SMAP1: variants seen among roughly 807,000 people sequenced by gnomAD.
SMAP1 encodes small ArfGAP 1.
SMAP1 carries 24 observed loss-of-function variants against 58.5 expected under a neutral mutation model. The observed-to-expected ratio is 0.41, with a 90% CI of 0.30 to 0.58. SMAP1 has a LOEUF of 0.58. Ranked by LOEUF, SMAP1 falls within the 20% of genes least tolerant of loss-of-function variation. SMAP1 has a pLI of 0.29. For synonymous variants in SMAP1, 216 were observed against 196.6 expected (o/e 1.10, Z -0.82); for missense variants, 563 against 566.3 (o/e 0.99, Z 0.06).
rs550840386 is a variant in SMAP1 at position 70,803,895 on chromosome 6, A to G, written c.576+5158A>G. ...TTCTGTTCTTTTACGTTTGCTGAGGAGTGTTTTACTTCCAATTATGTGTCA... is the reference window on the plus strand; with the variant it reads ...TTCTGTTCTTTTACGTTTGCTGAGGGGTGTTTTACTTCCAATTATGTGTCA... On this transcript the variant is annotated intron_variant, in intron 6 of 10. Transcript: ENST00000370455. Among the ~76,000 whole-genome samples the G allele has an allele frequency of 3.9e-5, 6 of 152,256 alleles. No homozygotes were observed. In the South Asian group the frequency reaches 1.0e-3, roughly 26 times the overall value.
chr6:70,711,935 G>A (rs1254099465), intron 1 of SMAP1, among the ~76,000 whole-genome samples: 2 of 152,140 alleles, frequency 1.3e-5, no homozygotes, highest in African/African-American at 4.8e-5. Flanking sequence ...TCTTTTGTAG[G>A]ATTGCTCTTG....
rs534694479 is a variant in SMAP1 at position 70,784,954 on chromosome 6, T to C, written c.415-6735T>C. Among the ~76,000 whole-genome samples, 21 of 152,304 alleles carry C rather than the reference T, an allele frequency of 1.4e-4. 1 individual carries two copies. Among genetic ancestry groups the C allele is most frequent in the Admixed American group, 1.1e-3 (17 of 15,308 alleles). ...AACTCAGCTCTGCACCAAGTGGACCTAATAGACATCTACAGACCTCTCCAC... is the reference window on the plus strand; with the variant it reads ...AACTCAGCTCTGCACCAAGTGGACCCAATAGACATCTACAGACCTCTCCAC... On this transcript the variant is annotated intron_variant, in intron 4 of 10. Coordinates refer to ENST00000370455, the MANE Select transcript of SMAP1 (RefSeq NM_001044305.3).
chr6:70,802,652 T>C (rs1768914842), intron 6 of SMAP1, among the ~76,000 whole-genome samples: 1 of 152,224 alleles, frequency 6.6e-6, no homozygotes, highest in African/African-American at 2.4e-5. Context: ...TTGTCATAAA[T>C]AGCTCTTATT....
chr6:70,789,740 A>AAG (rs1768262034), intron 4 of SMAP1, among the ~76,000 whole-genome samples: 1 of 150,656 alleles, frequency 6.6e-6, no homozygotes, highest in Admixed American at 6.6e-5. Context: ...AAAAAAAAAA[A>AAG]AAAAAAAGTG....
At chr6:70,841,403 G>C (rs1488359317) in intron 7 of SMAP1, among the ~76,000 whole-genome samples, 1 of 152,090 alleles carries the variant, frequency 6.6e-6, no homozygotes, top group African/African-American at 2.4e-5. Flanking sequence ...AGGCTGTCTG[G>C]GGGGACCGCA....
intron 1 of SMAP1, among the ~76,000 whole-genome samples, chr6:70,713,020 TG>T (rs1400622072): frequency 6.6e-6 from 1 of 152,148 alleles, no homozygotes; most frequent in Admixed American, 6.5e-5. Context: ...CTTGAACTCC[TG>T]ACCTCAAATG....
chr6:70,736,325 C>T (rs923038833), intron 2 of SMAP1, among the ~76,000 whole-genome samples: 2 of 152,122 alleles, frequency 1.3e-5, no homozygotes, highest in South Asian at 2.1e-4. Context: ...TTTATTGTCA[C>T]GTACTTCTCA....
At chr6:70,704,805 A>G (rs1767771220) in intron 1 of SMAP1, among the ~76,000 whole-genome samples, 2 of 152,230 alleles carry the variant, frequency 1.3e-5, no homozygotes, top group Admixed American at 1.3e-4. Flanking sequence ...TCAGAGTGTC[A>G]TTTTAGCCAT....
chr6:70,681,132 G>A (rs1277956694), intron 1 of SMAP1, among the ~76,000 whole-genome samples: 1 of 151,710 alleles, frequency 6.6e-6, no homozygotes, highest in Non-Finnish European at 1.5e-5. Context: ...AAAATACAAT[G>A]CATAGGCTAG....
chr6:70,731,849 C>G (rs1038157744), intron 1 of SMAP1, among the ~76,000 whole-genome samples: 1 of 152,126 alleles, frequency 6.6e-6, no homozygotes, highest in Non-Finnish European at 1.5e-5. Context: ...AGAGCACTTT[C>G]ACTAATTACC....
At chr6:70,691,807 G>A (rs946995505) in intron 1 of SMAP1, among the ~76,000 whole-genome samples, 1 of 152,088 alleles carries the variant, frequency 6.6e-6, no homozygotes, top group Non-Finnish European at 1.5e-5. Context: ...TTTTATTGCT[G>A]AATATAGTAC....
rs371637407 is a variant in SMAP1, at chr6:70,802,415, G to A, written c.576+3678G>A. Among the ~76,000 whole-genome samples, 5 of 152,142 alleles carry A rather than the reference G, an allele frequency of 3.3e-5. No homozygotes were observed. In the East Asian group the frequency reaches 5.8e-4, roughly 18 times the overall value. On this transcript the variant is annotated intron_variant, in intron 6 of 10. Transcript: ENST00000370455. ...GCTTAAGGAGATTTTAGGCTGAGAC[G>A]ATGGGGTTTTCTGGATATATAATCA... is the stretch of plus-strand genomic sequence containing the variant.
chr6:70,789,135 C>G (rs1411158681), intron 4 of SMAP1, among the ~76,000 whole-genome samples: 1 of 152,020 alleles, frequency 6.6e-6, no homozygotes, highest in Non-Finnish European at 1.5e-5. Flanking sequence ...TTATTCGTTG[C>G]TCACATAATG....
At chr6:70,782,705 T>C (rs985510582) in intron 4 of SMAP1, among the ~76,000 whole-genome samples, 2 of 152,194 alleles carry the variant, frequency 1.3e-5, no homozygotes, top group Admixed American at 6.5e-5. Flanking sequence ...CTGGAATTTC[T>C]AGCCCTACTA....
At chr6:70,708,609 A>G (rs1042529456) in intron 1 of SMAP1, among the ~76,000 whole-genome samples, 3 of 152,154 alleles carry the variant, frequency 2.0e-5, no homozygotes, top group Non-Finnish European at 2.9e-5. Flanking sequence ...CTTTTTCTCT[A>G]CACCTTTCTA....
intron 2 of SMAP1, among the ~76,000 whole-genome samples, chr6:70,744,857 T>C (rs906575528): frequency 2.0e-5 from 3 of 152,236 alleles, no homozygotes; most frequent in Admixed American, 6.5e-5. Flanking sequence ...TTTTTAATGA[T>C]TGCCATTCTA....
intron 2 of SMAP1, among the ~76,000 whole-genome samples, chr6:70,733,073 T>TA (rs1198864575): frequency 6.6e-5 from 10 of 152,254 alleles, no homozygotes; most frequent in African/African-American, 2.4e-4. Flanking sequence ...CTCAAAATCT[T>TA]ACTTTTTATC....
intron 4 of SMAP1, among the ~76,000 whole-genome samples, chr6:70,786,824 T>C (rs1460397545): frequency 1.3e-5 from 2 of 152,164 alleles, no homozygotes; most frequent in Admixed American, 6.5e-5. Context: ...TGGAAGAACA[T>C]TCCATGCTCA....
At chr6:70,771,626 G>T (rs1035315277) in intron 3 of SMAP1, among the ~76,000 whole-genome samples, 13 of 152,170 alleles carry the variant, frequency 8.5e-5, no homozygotes, top group Admixed American at 4.6e-4. Flanking sequence ...TGGGGTGGGA[G>T]TGACCCGATT....
Sources: gnomAD v4.1 joint callset for allele counts (sites outside exome capture counted in the v4.1 genomes callset) on GRCh38, gnomAD v4.1.1 for gene constraint, MANE v1.5 for transcripts, NCBI Gene and HGNC (gene_info 2026-07-23, HGNC 2026-07-21) for gene names.